RTL4: variants seen among roughly 807,000 people sequenced by gnomAD.
RTL4 encodes retrotransposon Gag like 4, also known as retrotransposon Gag-like protein 4.
RTL4 carries 4 observed loss-of-function variants against 5.3 expected under a neutral mutation model. The observed-to-expected ratio is 0.75, with a 90% CI of 0.37 to 1.72. The LOEUF (loss-of-function observed/expected upper bound fraction) is 1.72, where lower values mean the gene tolerates loss of function less well. RTL4 is among the 40% of genes most tolerant of loss of function. The pLI is 0.04. For synonymous variants in RTL4, 98 were observed against 87.3 expected (o/e 1.12, Z -0.68); for missense variants, 260 against 227.1 (o/e 1.14, Z -0.93).
the RTL4 span, among the ~76,000 whole-genome samples, chrX:112,151,061 A>G: frequency 1.8e-5 from 2 of 111,964 alleles, no homozygotes; most frequent in African/African-American, 6.5e-5. Flanking sequence ...AATAAAGTCA[A>G]GAAACAGAGG....
chrX:112,365,174 G>T, the RTL4 span, among the ~76,000 whole-genome samples: 10 of 110,962 alleles, frequency 9.0e-5, no homozygotes, highest in East Asian at 2.3e-3. Flanking sequence ...GGACATGGTG[G>T]GGGTGGAAAG....
chrX:112,084,345 G>A, the RTL4 span, among the ~76,000 whole-genome samples: 4 of 110,443 alleles, frequency 3.6e-5, no homozygotes, highest in Admixed American at 9.6e-5. Context: ...CTTTTGTATG[G>A]GAGCAAGGTA....
At chrX:112,185,625 C>CCT in the RTL4 span, among the ~76,000 whole-genome samples, 4 of 103,957 alleles carry the variant, frequency 3.8e-5, no homozygotes, top group East Asian at 3.0e-4. Flanking sequence ...TCTCTCTCTC[C>CCT]CTCTCTCTCT....
At chrX:112,264,772 G>A in the RTL4 span, among the ~76,000 whole-genome samples, 1 of 111,833 alleles carries the variant, frequency 8.9e-6, no homozygotes, top group South Asian at 3.8e-4. Context: ...AGGGGTCTGT[G>A]TGTCATTGTT....
the RTL4 span, among the ~76,000 whole-genome samples, chrX:112,444,181 C>A: frequency 2.9e-5 from 3 of 104,372 alleles, no homozygotes; most frequent in African/African-American, 1.1e-4. Context: ...TTTCCCAGCA[C>A]CATTTATTTA....
the RTL4 span, among the ~76,000 whole-genome samples, chrX:112,262,866 A>G: frequency 9.0e-6 from 1 of 110,815 alleles, no homozygotes; most frequent in African/African-American, 3.3e-5. Flanking sequence ...ATGCAGTCAT[A>G]AAAAAGGATG....
chrX:112,261,721 G>GCCT, the RTL4 span, among the ~76,000 whole-genome samples: 1 of 111,921 alleles, frequency 8.9e-6, no homozygotes, highest in African/African-American at 3.3e-5. Context: ...CCAAAAAAGA[G>GCCT]GCCACATTGC....
the RTL4 span, among the ~76,000 whole-genome samples, chrX:112,203,052 T>C: frequency 9.0e-6 from 1 of 111,683 alleles, no homozygotes; most frequent in South Asian, 3.8e-4. Flanking sequence ...TTATTTATCC[T>C]CTGCATATCT....
chrX:112,231,044 G>C, the RTL4 span, among the ~76,000 whole-genome samples: 1 of 110,434 alleles, frequency 9.1e-6, no homozygotes, highest in East Asian at 2.9e-4. Context: ...ACACCAGTTA[G>C]AATGGTGATC....
chrX:112,261,999 G>C, the RTL4 span, among the ~76,000 whole-genome samples: 1 of 111,689 alleles, frequency 9.0e-6, no homozygotes, highest in East Asian at 2.8e-4. Flanking sequence ...TAGGTAGAAA[G>C]CTGAAACTGG....
the RTL4 span, among the ~76,000 whole-genome samples, chrX:112,332,585 A>G: frequency 1.9e-5 from 2 of 107,589 alleles, no homozygotes; most frequent in East Asian, 3.0e-4. Flanking sequence ...GCAAGGACAA[A>G]AAACCAAACA....
chrX:112,188,603 T>C, the RTL4 span, among the ~76,000 whole-genome samples: 3 of 111,651 alleles, frequency 2.7e-5, no homozygotes, highest in African/African-American at 9.8e-5. Context: ...ATTTTACTGA[T>C]CCTTGGAGAG....
At chrX:112,178,698 G>T in the RTL4 span, among the ~76,000 whole-genome samples, 2 of 111,407 alleles carry the variant, frequency 1.8e-5, no homozygotes, top group Non-Finnish European at 3.8e-5. Context: ...TAGCACCTGC[G>T]AATTGCAACT....
chrX:112,177,332 G>A, the RTL4 span, among the ~76,000 whole-genome samples: 97 of 111,021 alleles, frequency 8.7e-4, no homozygotes, highest in African/African-American at 2.9e-3. Context: ...ATCCTTTCCA[G>A]CATTTGTTGT....
chrX:112,453,979 C>A (rs937369896), upstream of RTL4, among the ~76,000 whole-genome samples: 1 of 111,567 alleles, frequency 9.0e-6, no homozygotes, highest in African/African-American at 3.3e-5. Flanking sequence ...TATTAACTAT[C>A]TGTGTGACCT....
the RTL4 span, among the ~76,000 whole-genome samples, chrX:112,275,164 C>CT: frequency 1.0e-5 from 1 of 95,824 alleles, no homozygotes; most frequent in Non-Finnish European, 2.1e-5. Context: ...AATTTGATCT[C>CT]ATTTTTTCTC....
At chrX:112,337,589 AT>A in the RTL4 span, among the ~76,000 whole-genome samples, 1,901 of 109,139 alleles carry the variant, frequency 0.017, 26 homozygotes, top group South Asian at 0.048. Flanking sequence ...GGCAAAAAAT[AT>A]TTTTTTTTTC....
At chrX:112,194,876 G>A in the RTL4 span, among the ~76,000 whole-genome samples, 1 of 112,040 alleles carries the variant, frequency 8.9e-6, no homozygotes, top group Non-Finnish European at 1.9e-5. Context: ...ATAAGCCACG[G>A]GGTGCTGAAG....
At chrX:112,278,820 C>T in the RTL4 span, among the ~76,000 whole-genome samples, 1 of 110,035 alleles carries the variant, frequency 9.1e-6, no homozygotes, top group Non-Finnish European at 1.9e-5. Context: ...AATAAAGTTT[C>T]CTCCTCCCAA....
Sources: allele counts gnomAD v4.1 joint callset (sites outside exome capture counted in the v4.1 genomes callset), GRCh38; gene constraint gnomAD v4.1.1; transcripts MANE v1.5; gene names NCBI Gene and HGNC (gene_info 2026-07-23, HGNC 2026-07-21).